PTBP2: variants seen among roughly 807,000 people sequenced by gnomAD.
PTBP2 encodes polypyrimidine tract binding protein 2, also known as polypyrimidine tract-binding protein 2.
A neutral mutation model predicts 61.4 loss-of-function variants in PTBP2; 13 were observed. That is an observed-to-expected ratio of 0.21 (90% CI 0.14 to 0.34). The LOEUF (loss-of-function observed/expected upper bound fraction) is 0.34, where lower values mean the gene tolerates loss of function less well. Among genes scored for constraint, PTBP2 ranks in the 10% least tolerant of loss-of-function variants. PTBP2 has a pLI of 1.00. For missense variants in PTBP2, 405 were observed against 642.6 expected (o/e 0.63, Z 4.00); for synonymous variants, 215 against 218.5 (o/e 0.98, Z 0.14).
At chr1:96,800,240 C>T (rs1660834275) in intron 8 of PTBP2, among the ~76,000 whole-genome samples, 1 of 152,108 alleles carries the variant, frequency 6.6e-6, no homozygotes, top group Non-Finnish European at 1.5e-5. Flanking sequence ...GTGGGGACCT[C>T]ACACCTTGTA....
chr1:96,751,157 C>G (rs1051710743), intron 2 of PTBP2: 4 of 451,748 alleles, frequency 8.9e-6, no homozygotes, highest in African/African-American at 8.1e-5. Context: ...GATAGCTTTC[C>G]AAAGCTTTTG....
chr1:96,721,805 T>A lies in PTBP2; in HGVS notation c.-60T>A, dbSNP rs1044137183. ...CCCCAGCCGCCATTTTCTCGCCGCT[T>A]GTGTGGCTCGCTGGCTGCGTGGCTC... On this transcript the variant is annotated 5_prime_UTR_variant, in exon 1 of 14. Coordinates refer to ENST00000674951, the MANE Select transcript of PTBP2 (RefSeq NM_021190.4). 5 of 1,548,158 alleles carry A rather than the reference T, an allele frequency of 3.2e-6. No homozygotes were observed. Among genetic ancestry groups the A allele is most frequent in the Non-Finnish European group, 4.4e-6 (5 of 1,144,462 alleles).
chr1:96,800,754 C>G (rs1166250411), intron 8 of PTBP2, among the ~76,000 whole-genome samples: 1 of 151,926 alleles, frequency 6.6e-6, no homozygotes, highest in Admixed American at 6.6e-5. Context: ...GGTGGGGAAG[C>G]TTTAGCCTAG....
At chr1:96,722,274 G>T (rs921843521) in intron 1 of PTBP2, among the ~76,000 whole-genome samples, 8 of 152,130 alleles carry the variant, frequency 5.3e-5, no homozygotes, top group Admixed American at 2.6e-4. Flanking sequence ...AGTGGGATGG[G>T]CAGAGACAGG....
intron 3 of PTBP2, among the ~76,000 whole-genome samples, chr1:96,762,965 C>G (rs1365520925): frequency 6.6e-6 from 1 of 151,530 alleles, no homozygotes; most frequent in Non-Finnish European, 1.5e-5. Context: ...CGGCGCTCCC[C>G]ACATCTCAGA....
At chr1:96,792,129 G>A (rs973118534) in intron 8 of PTBP2, among the ~76,000 whole-genome samples, 4 of 152,022 alleles carry the variant, frequency 2.6e-5, no homozygotes, top group African/African-American at 4.8e-5. Flanking sequence ...GAGCCACCGC[G>A]CCTAGCCTGC....
intron 3 of PTBP2, among the ~76,000 whole-genome samples, chr1:96,760,942 T>C (rs1359920521): frequency 1.3e-5 from 2 of 152,210 alleles, no homozygotes; most frequent in Non-Finnish European, 2.9e-5. Flanking sequence ...GGTATAATCA[T>C]ATAGTATATT....
At chr1:96,785,011 T>G (rs1659070007) in intron 7 of PTBP2, 48 bp from the exon 8 acceptor site, 2 of 1,371,574 alleles carry the variant, frequency 1.5e-6, no homozygotes, top group Non-Finnish European at 2.0e-6. Flanking sequence ...TTTCACTAAT[T>G]TTTATTTTTT....
At chr1:96,744,239 A>G (rs562464020) in intron 2 of PTBP2, among the ~76,000 whole-genome samples, 3 of 152,288 alleles carry the variant, frequency 2.0e-5, no homozygotes, top group African/African-American at 7.2e-5. Context: ...AAAACCATGT[A>G]TATATGTAAG....
chr1:96,767,139 A>G (rs1035785064), intron 3 of PTBP2, among the ~76,000 whole-genome samples: 2 of 152,298 alleles, frequency 1.3e-5, no homozygotes, highest in African/African-American at 2.4e-5. Flanking sequence ...TCTTTGTCTT[A>G]TCCTTTGATT....
At chr1:96,728,815 A>ATTGT (rs1553170685) in intron 2 of PTBP2, among the ~76,000 whole-genome samples, 1 of 110,176 alleles carries the variant, frequency 9.1e-6, no homozygotes, top group Non-Finnish European at 2.1e-5. Context: ...TTCTTTAAGC[A>ATTGT]TTTTTTTTTT....
chr1:96,753,210 A>G (rs1190469455), intron 3 of PTBP2, among the ~76,000 whole-genome samples: 19 of 152,160 alleles, frequency 1.2e-4, no homozygotes, highest in Admixed American at 1.2e-3. Flanking sequence ...CTGGGGCTAA[A>G]TGGTGATTCC....
intron 2 of PTBP2, among the ~76,000 whole-genome samples, chr1:96,733,739 A>G (rs1651764002): frequency 6.6e-6 from 1 of 152,158 alleles, no homozygotes; most frequent in Non-Finnish European, 1.5e-5. Flanking sequence ...ATGATTTTGA[A>G]TTACACAGGT....
intron 3 of PTBP2, among the ~76,000 whole-genome samples, chr1:96,753,928 C>CTT (rs1654867456): frequency 6.6e-6 from 1 of 152,076 alleles, no homozygotes; most frequent in Non-Finnish European, 1.5e-5. Flanking sequence ...ATGAAGCAGT[C>CTT]TGACATGTAA....
chr1:96,807,560 G>C (rs1661618999), intron 11 of PTBP2, among the ~76,000 whole-genome samples: 1 of 152,156 alleles, frequency 6.6e-6, no homozygotes, highest in Non-Finnish European at 1.5e-5. Context: ...ACCAGTGATT[G>C]ACTGTAAATG....
Position 96,813,091 on chromosome 1 carries a change from C to A in PTBP2, c.1451C>A (p.Ala484Glu), listed in dbSNP as rs1269138603. The change falls in exon 13 of 14, where the codon GCA becomes GAA. Residue 484 changes from alanine to glutamate, a missense_variant. Around this residue, in one of 4 missense-constraint regions of PTBP2, gnomAD observed 24 missense variants for 27.7 expected, o/e 0.87. Transcript: ENST00000674951. ...GCTAACACTGGGGGCACTGTGAAAG[C>A]ATTTAAGTTTTTTCAGTAAGCAAGC... ...LFANTGGTVK[A>E]FKFFQDHKMA... 2 of 1,611,064 alleles carry A rather than the reference C, an allele frequency of 1.2e-6. No individual in the cohort carries two copies. Among genetic ancestry groups the A allele is most frequent in the Non-Finnish European group, 1.7e-6 (2 of 1,178,426 alleles).
chr1:96,737,814 A>C (rs1271355069), intron 2 of PTBP2, among the ~76,000 whole-genome samples: 2 of 152,184 alleles, frequency 1.3e-5, no homozygotes, highest in East Asian at 3.8e-4. Context: ...ATCAGTATTT[A>C]TGTTTAAATA....
exon 14 of PTBP2, chr1:96,823,675 C>G (rs1375203859): frequency 6.6e-6 from 1 of 152,126 alleles, no homozygotes; most frequent in Non-Finnish European, 1.5e-5. Flanking sequence ...ACCTATGTCT[C>G]TCCACCTGCT....
chr1:96,816,261 T>C (rs567914303), downstream of PTBP2: 10 of 152,310 alleles, frequency 6.6e-5, no homozygotes, highest in African/African-American at 2.4e-4. Flanking sequence ...TTCTAGAATA[T>C]TTTTAATTCA....
Sources: allele counts gnomAD v4.1 joint callset (sites outside exome capture counted in the v4.1 genomes callset), GRCh38; gene constraint gnomAD v4.1.1; regional missense constraint gnomAD v4.1.1; transcripts MANE v1.5; gene names NCBI Gene and HGNC (gene_info 2026-07-23, HGNC 2026-07-21).